The following CLIC5 variants were observed in gnomAD, a reference collection of about 807,000 sequenced individuals.
CLIC5 encodes chloride intracellular channel protein 5.
A neutral mutation model predicts 24.7 loss-of-function variants in CLIC5; 20 were observed. That is an observed-to-expected ratio of 0.81 (90% confidence interval 0.57 to 1.18). The LOEUF is 1.18. Ranked by LOEUF, CLIC5 falls within the 50% of genes most tolerant of loss-of-function variation. The pLI, the probability that CLIC5 is intolerant of heterozygous loss-of-function variation, is 0.00. For missense variants in CLIC5, 341 were observed against 326.1 expected, an observed-to-expected ratio of 1.05 and a Z score of -0.35; for synonymous variants, 159 against 135.6, an observed-to-expected ratio of 1.17 and a Z score of -1.20.
intron 4 of CLIC5, among the ~76,000 whole-genome samples, chr6:45,925,603 T>G (rs1763454015): frequency 6.6e-6 from 1 of 152,172 alleles, no homozygotes; most frequent in African/African-American, 2.4e-5. Flanking sequence ...GCATGAGCCG[T>G]CGCGCTCAGC....
intron 4 of CLIC5, among the ~76,000 whole-genome samples, chr6:45,915,411 C>T (rs896195269): frequency 3.3e-5 from 5 of 152,074 alleles, no homozygotes; most frequent in African/African-American, 1.2e-4. Context: ...TAACCCAACC[C>T]AAGAAGAGTT....
Position 45,966,935 on chromosome 6 carries a change from G to T in CLIC5, c.64-11691C>A, listed in dbSNP as rs187399839. Reference sequence around the variant, plus strand: ...CACACAGAACTCTTAAGTTCTGCCAGGTGGGTCTTCCCTGAGGGTGACAGA... The same window carrying T: ...CACACAGAACTCTTAAGTTCTGCCATGTGGGTCTTCCCTGAGGGTGACAGA... On this transcript the variant is annotated intron_variant, in intron 1 of 5. Coordinates refer to ENST00000339561, the MANE Select transcript of CLIC5 (RefSeq NM_016929.5). Among the ~76,000 whole-genome samples the T allele has an allele frequency of 2.0e-5, 3 of 152,316 alleles. No individual in the cohort carries two copies. In the East Asian group the frequency reaches 5.8e-4, roughly 29 times the overall value.
upstream of CLIC5, among the ~76,000 whole-genome samples, chr6:46,083,055 G>A (rs374819548): frequency 4.6e-5 from 7 of 152,066 alleles, no homozygotes; most frequent in African/African-American, 1.7e-4. Flanking sequence ...TCCTTCATTG[G>A]GTACTTACGT....
intron 2 of CLIC5, among the ~76,000 whole-genome samples, chr6:45,952,424 T>C (rs1764503875): frequency 6.6e-6 from 1 of 152,222 alleles, no homozygotes. Flanking sequence ...CAACGAGTTC[T>C]TGCTATGAGT....
chr6:46,121,390 T>C, the CLIC5 span, among the ~76,000 whole-genome samples: 49 of 144,772 alleles, frequency 3.4e-4, no homozygotes, highest in East Asian at 8.8e-3. Flanking sequence ...CTGAGAGATT[T>C]TGTCACCACC....
In CLIC5 at chr6:45,978,091, G is replaced by A. The variant is rs1409260322; in HGVS notation, c.64-22847C>T. On this transcript the variant is annotated intron_variant, in intron 1 of 5. Transcript: ENST00000339561. ...TGGGAAAGTTTCCTGGCTTCAGTTT[G>A]CTCCTCAGTAAAGTAGAAATATGGT... is the stretch of plus-strand genomic sequence containing the variant. Among the ~76,000 whole-genome samples the A allele has an allele frequency of 2.6e-5, 4 of 152,194 alleles. No homozygotes were observed. The East Asian group carries it at 7.7e-4, about 29-fold the overall frequency.
chr6:45,984,451 T>C (rs563591197), intron 1 of CLIC5, among the ~76,000 whole-genome samples: 29 of 152,290 alleles, frequency 1.9e-4, no homozygotes, highest in African/African-American at 6.7e-4. Flanking sequence ...GACGAGACAG[T>C]TGACTTTGGG....
chr6:46,099,641 T>A, the CLIC5 span, among the ~76,000 whole-genome samples: 5 of 152,212 alleles, frequency 3.3e-5, no homozygotes, highest in Admixed American at 1.3e-4. Flanking sequence ...TATGTACATA[T>A]GCTAAGACCA....
chr6:46,111,013 G>T, the CLIC5 span, among the ~76,000 whole-genome samples: 1 of 152,188 alleles, frequency 6.6e-6, no homozygotes, highest in East Asian at 1.9e-4. Flanking sequence ...GAAAATTACA[G>T]TACACTTGTT....
At chr6:45,904,420 C>T (rs1269270420) in intron 5 of CLIC5, among the ~76,000 whole-genome samples, 3 of 151,662 alleles carry the variant, frequency 2.0e-5, no homozygotes, top group Non-Finnish European at 2.9e-5. Context: ...GGACCTGTGA[C>T]CTGTGCAGTC....
chr6:45,975,970 A>T (rs550164509), intron 1 of CLIC5, among the ~76,000 whole-genome samples: 1 of 152,192 alleles, frequency 6.6e-6, no homozygotes, highest in African/African-American at 2.4e-5. Context: ...TGGAAAAAAA[A>T]CCACCAGACT....
chr6:45,933,042 C>T (rs781384712), intron 4 of CLIC5, among the ~76,000 whole-genome samples: 10 of 152,216 alleles, frequency 6.6e-5, no homozygotes, highest in African/African-American at 9.6e-5. Context: ...CGAGAGTCTT[C>T]TTCCATTCTA....
At chr6:46,119,695 T>A in the CLIC5 span, among the ~76,000 whole-genome samples, 2 of 152,352 alleles carry the variant, frequency 1.3e-5, no homozygotes, top group African/African-American at 4.8e-5. Flanking sequence ...CAAGCAAGGC[T>A]GTGACAGACT....
At chr6:46,067,740 C>T (rs1762481631) in intron 1 of CLIC5, among the ~76,000 whole-genome samples, 1 of 152,098 alleles carries the variant, frequency 6.6e-6, no homozygotes, top group African/African-American at 2.4e-5. Context: ...CTAATGAGTG[C>T]CTGAGAACTA....
At chr6:45,990,519 A>T (rs1038340605) in intron 1 of CLIC5, among the ~76,000 whole-genome samples, 1 of 152,244 alleles carries the variant, frequency 6.6e-6, no homozygotes, top group Non-Finnish European at 1.5e-5. Context: ...AATGTGTAGC[A>T]TCACACAAGC....
At chr6:46,040,574 G>A (rs1767778998) in intron 1 of CLIC5, among the ~76,000 whole-genome samples, 1 of 151,926 alleles carries the variant, frequency 6.6e-6, no homozygotes, top group Admixed American at 6.6e-5. Flanking sequence ...GATGCTGATG[G>A]TGGGGTGGTG....
At chr6:46,018,364 T>C (rs1403990469), upstream of CLIC5, among the ~76,000 whole-genome samples, 1 of 152,246 alleles carries the variant, frequency 6.6e-6, no homozygotes, top group African/African-American at 2.4e-5. Flanking sequence ...CATTTTATCT[T>C]CTCCAAATAT....
rs199809331 is a variant in CLIC5 at position 45,914,360 on chromosome 6, C to A, written c.456G>T (p.Leu152=). ...TKALKKLDDY[L]NTPLPEEIDA... is the part of the protein sequence containing the mutation. ...CAATCTCCTCTGGTAGAGGGGTGTTCAGGTAGTCATCCAATTTCTTTAGAG... is the reference window on the plus strand; with the variant it reads ...CAATCTCCTCTGGTAGAGGGGTGTTAAGGTAGTCATCCAATTTCTTTAGAG... The change falls in exon 5 of 6, where the codon CTG becomes CTT. Residue 152 remains leucine, a synonymous_variant. Transcript: ENST00000339561. 3.1e-4 allele frequency: 491 copies of A among 1,601,610 alleles called. 2 individuals are homozygous for A. The highest frequency in any genetic ancestry group is 4.1e-4 in the Non-Finnish European group (476 of 1,170,770).
chr6:46,013,699 G>A (rs1766886877), intron 1 of CLIC5, among the ~76,000 whole-genome samples: 1 of 152,178 alleles, frequency 6.6e-6, no homozygotes, highest in African/African-American at 2.4e-5. Context: ...AATTCCAAAG[G>A]TGCAGGTAGA....
Sources: allele counts gnomAD v4.1 joint callset (sites outside exome capture counted in the v4.1 genomes callset), GRCh38; gene constraint gnomAD v4.1.1; transcripts MANE v1.5; gene names NCBI Gene and HGNC (gene_info 2026-07-23, HGNC 2026-07-21).